The following LRMDA variants were observed in gnomAD, a reference collection of about 807,000 sequenced individuals.
The protein encoded by LRMDA is leucine-rich melanocyte differentiation-associated protein.
LRMDA carries 18 observed loss-of-function variants against 29.8 expected under a neutral mutation model. The ratio of observed to expected loss-of-function variants is 0.60; its 90% CI spans 0.42 to 0.90. The LOEUF (loss-of-function observed/expected upper bound fraction) is 0.90. Ranked by LOEUF, LRMDA falls within the 40% of genes least tolerant of loss-of-function variation. The pLI is 0.00. For missense variants in LRMDA, 273 were observed against 273.9 expected (o/e 1.00, Z 0.02); for synonymous variants, 125 against 109.4 (o/e 1.14, Z -0.89).
chr10:76,541,685 T>A (rs1843357767), intron 6 of LRMDA, among the ~76,000 whole-genome samples: 2 of 152,162 alleles, frequency 1.3e-5, no homozygotes, highest in African/African-American at 4.8e-5. Flanking sequence ...CTTCTTCCTC[T>A]GCTCACTATT....
chr10:75,630,528 G>C (rs1564526465), intron 2 of LRMDA, among the ~76,000 whole-genome samples: 1 of 152,180 alleles, frequency 6.6e-6, no homozygotes, highest in Non-Finnish European at 1.5e-5. Flanking sequence ...AGGGATATTA[G>C]AGTCCCAAGA....
At chr10:76,360,830 G>A (rs1251337376) in intron 6 of LRMDA, among the ~76,000 whole-genome samples, 1 of 152,080 alleles carries the variant, frequency 6.6e-6, no homozygotes, top group Non-Finnish European at 1.5e-5. Flanking sequence ...TCTGATTCTG[G>A]GTACTCTTTT....
At chr10:75,617,104 C>A (rs145141487) in intron 2 of LRMDA, among the ~76,000 whole-genome samples, 1 of 152,280 alleles carries the variant, frequency 6.6e-6, no homozygotes, top group Non-Finnish European at 1.5e-5. Context: ...GCTTTAGCAG[C>A]TATTGTGGCC....
intron 6 of LRMDA, among the ~76,000 whole-genome samples, chr10:76,469,272 C>A (rs1842594791): frequency 6.6e-6 from 1 of 152,156 alleles, no homozygotes; most frequent in Non-Finnish European, 1.5e-5. Context: ...GAAGAGCAGG[C>A]TGCCAACATT....
intron 5 of LRMDA, among the ~76,000 whole-genome samples, chr10:76,179,239 G>A (rs562367460): frequency 4.6e-5 from 7 of 152,076 alleles, no homozygotes; most frequent in Admixed American, 1.3e-4. Context: ...AATCAAGGAG[G>A]GGGGGGTGGT....
intron 2 of LRMDA, among the ~76,000 whole-genome samples, chr10:75,948,333 G>C (rs1846512566): frequency 6.6e-6 from 1 of 152,198 alleles, no homozygotes. Flanking sequence ...GTTAGGAACT[G>C]ATATCCCCAT....
At chr10:76,553,337 A>G (rs1046861218) in intron 6 of LRMDA, among the ~76,000 whole-genome samples, 20 of 152,264 alleles carry the variant, frequency 1.3e-4, no homozygotes, top group Non-Finnish European at 8.8e-5. Flanking sequence ...TTGAAGAGAT[A>G]GAAACAAATG....
Position 76,559,185 on chromosome 10 carries a change from C to A in LRMDA, c.*1897C>A, listed in dbSNP as rs1843594931. ...CCTTGTCTTTATAAAAGGCTTTAAC[C>A]CTGCCTCAAACAATAAAAAAGCACT... On this transcript the variant is annotated 3_prime_UTR_variant, in exon 7 of 7. Coordinates refer to ENST00000611255, the MANE Select transcript of LRMDA (RefSeq NM_001305581.2). 1 of 152,120 alleles carries A rather than the reference C, an allele frequency of 6.6e-6. No individual in the cohort carries two copies. Among genetic ancestry groups the A allele is most frequent in the Admixed American group, 6.5e-5 (1 of 15,274 alleles). The allele number at this position is 152,120 out of a possible 1,614,324, so 9.4% of individuals were successfully genotyped here.
At chr10:75,953,377 G>A (rs1466760401) in intron 2 of LRMDA, among the ~76,000 whole-genome samples, 5 of 152,304 alleles carry the variant, frequency 3.3e-5, no homozygotes, top group South Asian at 4.1e-4. Context: ...ACCATGCCTA[G>A]CAGGAAATTG....
chr10:76,074,495 G>A (rs1313651697), intron 5 of LRMDA, among the ~76,000 whole-genome samples: 1 of 152,100 alleles, frequency 6.6e-6, no homozygotes, highest in Non-Finnish European at 1.5e-5. Context: ...TTATTGGGAA[G>A]ACAAATGGCC....
At chr10:75,611,102 G>A (rs1017944558) in intron 2 of LRMDA, among the ~76,000 whole-genome samples, 8 of 152,158 alleles carry the variant, frequency 5.3e-5, no homozygotes, top group African/African-American at 1.4e-4. Flanking sequence ...GGAGCACAGG[G>A]TGAGAGGGGC....
chr10:75,914,904 G>A (rs527750666), intron 2 of LRMDA, among the ~76,000 whole-genome samples: 1 of 152,192 alleles, frequency 6.6e-6, no homozygotes, highest in African/African-American at 2.4e-5. Context: ...AGTCTATATG[G>A]TGTTATTTAA....
intron 6 of LRMDA, among the ~76,000 whole-genome samples, chr10:76,363,472 G>A (rs1162996230): frequency 6.6e-6 from 1 of 152,038 alleles, no homozygotes; most frequent in East Asian, 1.9e-4. Context: ...AGCAAGTTAC[G>A]GGATGCAAGA....
intron 2 of LRMDA, among the ~76,000 whole-genome samples, chr10:75,852,993 A>G (rs1243720923): frequency 1.3e-5 from 2 of 152,182 alleles, no homozygotes; most frequent in African/African-American, 2.4e-5. Flanking sequence ...AGAGAGAGAA[A>G]TGCTGAGCAA....
At chr10:75,503,315 T>A (rs1845136258) in intron 2 of LRMDA, among the ~76,000 whole-genome samples, 2 of 152,178 alleles carry the variant, frequency 1.3e-5, no homozygotes, top group South Asian at 4.1e-4. Context: ...CACTGCATTA[T>A]GCAGTTTGGG....
rs1383592374 is a variant in LRMDA, at chr10:76,345,098, G to A, written c.601+20613G>A. ...TTTTTTTTTTTTGAGACGGAGTCTC[G>A]CTCTGTCGCCCAGGCTGGAGTGCAG... On this transcript the variant is annotated intron_variant, in intron 6 of 6. Transcript: ENST00000611255. Among the ~76,000 whole-genome samples the A allele has an allele frequency of 8.4e-4, 94 of 111,610 alleles. 1 individual carries two copies. The highest frequency in any genetic ancestry group is 3.1e-3 in the African/African-American group (88 of 28,594). The allele number at this position is 111,610 out of a possible 152,430, so 73.2% of individuals were successfully genotyped here.
chr10:75,596,599 G>A (rs1158814581), intron 2 of LRMDA, among the ~76,000 whole-genome samples: 1 of 151,998 alleles, frequency 6.6e-6, no homozygotes, highest in Non-Finnish European at 1.5e-5. Flanking sequence ...GGTACATAGT[G>A]ATGTTTTAGC....
At chr10:76,449,052 T>C (rs955450798) in intron 6 of LRMDA, among the ~76,000 whole-genome samples, 6 of 151,962 alleles carry the variant, frequency 3.9e-5, no homozygotes, top group African/African-American at 1.4e-4. Context: ...GAATACAGTT[T>C]TTTTCTTTCA....
intron 2 of LRMDA, among the ~76,000 whole-genome samples, chr10:75,474,451 G>A (rs527620850): frequency 6.6e-6 from 1 of 152,260 alleles, no homozygotes; most frequent in South Asian, 2.1e-4. Flanking sequence ...AGGGGCAAGG[G>A]GTCTGTTTGT....
Sources: gnomAD v4.1 joint callset for allele counts (sites outside exome capture counted in the v4.1 genomes callset) on GRCh38, gnomAD v4.1.1 for gene constraint, MANE v1.5 for transcripts, NCBI Gene and HGNC (gene_info 2026-07-23, HGNC 2026-07-21) for gene names.